GMDS: variants seen among roughly 807,000 people sequenced by gnomAD.
The protein encoded by GMDS is GDP-mannose 4,6 dehydratase.
In GMDS, 20 loss-of-function variants were observed where a neutral mutation model predicts 49.9. The ratio of observed to expected loss-of-function variants is 0.40; its 90% confidence interval spans 0.28 to 0.58. The LOEUF (loss-of-function observed/expected upper bound fraction) is 0.58, where lower values mean the gene tolerates loss of function less well. Ranked by LOEUF, GMDS falls within the 20% of genes least tolerant of loss-of-function variation. The probability of loss-of-function intolerance (pLI) is 0.42; values close to 1 mark genes in which losing one functional copy is unlikely to be tolerated. For synonymous variants in GMDS, 177 were observed against 178.6 expected, an observed-to-expected ratio of 0.99 and a Z score of 0.07; for missense variants, 362 against 481.4, an observed-to-expected ratio of 0.75 and a Z score of 2.32.
chr6:1,934,053 A>G, intron 6 of GMDS, among the ~76,000 whole-genome samples: 1 of 152,116 alleles, frequency 6.6e-6, no homozygotes, highest in East Asian at 1.9e-4. Context: ...AAATTTTTAT[A>G]TATGGTGTGA....
chr6:1,852,348 T>A (rs1295201703), intron 7 of GMDS, among the ~76,000 whole-genome samples: 1 of 152,204 alleles, frequency 6.6e-6, no homozygotes, highest in Non-Finnish European at 1.5e-5. Context: ...GTCCTTTTGT[T>A]CAAAATCTTT....
intron 1 of GMDS, among the ~76,000 whole-genome samples, chr6:2,228,859 A>G (rs1413733011): frequency 6.6e-6 from 1 of 152,150 alleles, no homozygotes; most frequent in Non-Finnish European, 1.5e-5. Flanking sequence ...ATGACATCTG[A>G]GAAGTGAGTA....
chr6:1,891,949 A>G (rs1191159332), intron 7 of GMDS, among the ~76,000 whole-genome samples: 1 of 152,200 alleles, frequency 6.6e-6, no homozygotes, highest in Admixed American at 6.5e-5. Context: ...GACTGTAAAC[A>G]TTCAGTAGTT....
At chr6:2,132,319 T>C (rs937298155) in intron 1 of GMDS, among the ~76,000 whole-genome samples, 6 of 152,194 alleles carry the variant, frequency 3.9e-5, no homozygotes, top group Admixed American at 1.3e-4. Context: ...TAATAATGAC[T>C]ATCAAACACC....
intron 1 of GMDS, among the ~76,000 whole-genome samples, chr6:2,147,516 C>A (rs757583230): frequency 6.6e-6 from 1 of 151,974 alleles, no homozygotes; most frequent in African/African-American, 2.4e-5. Context: ...ACCTAGACAT[C>A]GGACTCCTAT....
At chr6:1,779,583 T>C (rs1294002545) in intron 7 of GMDS, among the ~76,000 whole-genome samples, 3 of 151,988 alleles carry the variant, frequency 2.0e-5, no homozygotes, top group African/African-American at 4.8e-5. Context: ...CCTCCATGAG[T>C]GTGCGTCTGT....
At chr6:1,653,089 T>G (rs1763766329) in intron 9 of GMDS, among the ~76,000 whole-genome samples, 1 of 151,928 alleles carries the variant, frequency 6.6e-6, no homozygotes, top group Non-Finnish European at 1.5e-5. Flanking sequence ...GGAGCACAGA[T>G]GCATGCCTCC....
chr6:1,906,941 C>T (rs527669124), intron 7 of GMDS, among the ~76,000 whole-genome samples: 1 of 152,308 alleles, frequency 6.6e-6, no homozygotes, highest in East Asian at 1.9e-4. Context: ...CTGCACACAG[C>T]CCCAGCCTCC....
intron 7 of GMDS, among the ~76,000 whole-genome samples, chr6:1,858,878 G>T (rs1371339759): frequency 6.6e-6 from 1 of 152,128 alleles, no homozygotes; most frequent in Non-Finnish European, 1.5e-5. Flanking sequence ...TTTAAAAAAT[G>T]AATTTTAATG....
intron 8 of GMDS, among the ~76,000 whole-genome samples, chr6:1,738,512 C>T (rs907914649): frequency 2.0e-5 from 3 of 152,122 alleles, no homozygotes; most frequent in Admixed American, 6.5e-5. Flanking sequence ...AACATTACAA[C>T]GGATAAATTT....
chr6:2,195,812 G>A (rs1779253337), intron 1 of GMDS, among the ~76,000 whole-genome samples: 1 of 143,184 alleles, frequency 7.0e-6, no homozygotes, highest in Non-Finnish European at 1.5e-5. Flanking sequence ...GAAAGACCTT[G>A]TCTCTACCAA....
chr6:1,961,669 C>A (rs1359889143), intron 4 of GMDS, among the ~76,000 whole-genome samples: 1 of 152,192 alleles, frequency 6.6e-6, no homozygotes, highest in Admixed American at 6.5e-5. Flanking sequence ...ACAAAATAAT[C>A]TAATATTAAG....
At chr6:1,976,671 A>G (rs1314382279) in intron 4 of GMDS, among the ~76,000 whole-genome samples, 1 of 152,212 alleles carries the variant, frequency 6.6e-6, no homozygotes. Flanking sequence ...AAAATTAATG[A>G]TAATAGTATA....
chr6:2,075,740 A>G (rs1420375718), intron 4 of GMDS, among the ~76,000 whole-genome samples: 4 of 152,194 alleles, frequency 2.6e-5, no homozygotes, highest in East Asian at 1.9e-4. Context: ...TCTTTATAGC[A>G]GCATGATTTA....
chr6:1,765,816 G>A (rs9392338), intron 7 of GMDS, among the ~76,000 whole-genome samples: 17,376 of 152,150 alleles, frequency 0.11, 1,261 homozygotes, highest in African/African-American at 0.2. Context: ...AGGGCTCGGA[G>A]CCCTTTAACT....
rs115131804 is a variant in GMDS at position 1,847,808 on chromosome 6, T to C, written c.771+82295A>G. Among the ~76,000 whole-genome samples the C allele has an allele frequency of 5.8e-3, 882 of 152,284 alleles. 8 individuals are homozygous for C. The highest frequency in any genetic ancestry group is 0.02 in the African/African-American group (838 of 41,556). ...ACAGTGTCTACCCAGGCAACATCTC[T>C]GTCAACCAGGCTGATATTTTGGTTT... is the stretch of plus-strand genomic sequence containing the variant. On this transcript the variant is annotated intron_variant, in intron 7 of 10. Coordinates refer to ENST00000380815, the MANE Select transcript of GMDS (RefSeq NM_001500.4).
intron 9 of GMDS, among the ~76,000 whole-genome samples, chr6:1,723,469 G>A (rs1766463008): frequency 6.6e-6 from 1 of 151,850 alleles, no homozygotes; most frequent in Non-Finnish European, 1.5e-5. Flanking sequence ...TGGGACTACA[G>A]GCACCTGCCA....
intron 7 of GMDS, among the ~76,000 whole-genome samples, chr6:1,911,564 AAAGCC>A (rs1035348873): frequency 2.0e-5 from 3 of 152,130 alleles, no homozygotes; most frequent in Admixed American, 2.0e-4. Flanking sequence ...AAAAAAAAAA[AAAGCC>A]GTGGAATTTG....
At chr6:2,065,073 T>C (rs1427393902) in intron 4 of GMDS, among the ~76,000 whole-genome samples, 1 of 152,034 alleles carries the variant, frequency 6.6e-6, no homozygotes, top group Non-Finnish European at 1.5e-5. Flanking sequence ...CAGCTGGAGA[T>C]CTGAGGACAG....
Sources: gnomAD v4.1 joint callset for allele counts (sites outside exome capture counted in the v4.1 genomes callset) on GRCh38, gnomAD v4.1.1 for gene constraint, MANE v1.5 for transcripts, NCBI Gene and HGNC (gene_info 2026-07-23, HGNC 2026-07-21) for gene names.